ZNF600: variants seen among roughly 807,000 people sequenced by gnomAD.
The protein encoded by ZNF600 is zinc finger protein KR-ZNF1.
ZNF600 carries 4 observed loss-of-function variants against 7.3 expected under a neutral mutation model. The ratio of observed to expected loss-of-function variants is 0.55; its 90% CI spans 0.27 to 1.25. The LOEUF is 1.25. Ranked by LOEUF, ZNF600 falls within the 50% of genes most tolerant of loss-of-function variation. The pLI, the probability that ZNF600 is intolerant of heterozygous loss-of-function variation, is 0.12. For missense variants in ZNF600, 911 were observed against 922.1 expected (o/e 0.99, Z 0.16); for synonymous variants, 290 against 308.9 (o/e 0.94, Z 0.64).
the ZNF600 span, among the ~76,000 whole-genome samples, chr19:52,827,841 G>A: frequency 1.4e-4 from 22 of 152,016 alleles, 1 homozygote; most frequent in South Asian, 2.1e-4. Flanking sequence ...CACCGCGCCC[G>A]GCCTAGAAGA....
chr19:52,807,023 G>A, the ZNF600 span, among the ~76,000 whole-genome samples: 5 of 152,294 alleles, frequency 3.3e-5, no homozygotes, highest in African/African-American at 4.8e-5. Flanking sequence ...TCTCCCACTT[G>A]CAGAGAGTTT....
the ZNF600 span, among the ~76,000 whole-genome samples, chr19:52,820,601 TCTC>T: frequency 2.0e-5 from 3 of 151,802 alleles, no homozygotes; most frequent in Non-Finnish European, 2.9e-5. Context: ...CTCCCTCTGT[TCTC>T]CTTGCCACCA....
chr19:52,828,376 A>G, the ZNF600 span, among the ~76,000 whole-genome samples: 1 of 152,114 alleles, frequency 6.6e-6, no homozygotes, highest in Non-Finnish European at 1.5e-5. Flanking sequence ...TAACAAGTGA[A>G]GTGCCATTTG....
At chr19:52,808,029 A>C in the ZNF600 span, 3 of 1,613,508 alleles carry the variant, frequency 1.9e-6, no homozygotes, top group Non-Finnish European at 2.5e-6. Flanking sequence ...GGTTCCTATA[A>C]TTCTCCAGCA....
At chr19:52,811,487 G>A in the ZNF600 span, among the ~76,000 whole-genome samples, 35 of 148,920 alleles carry the variant, frequency 2.4e-4, no homozygotes, top group Non-Finnish European at 3.7e-4. Context: ...AGGAAGTGAG[G>A]AGCGTCTCTG....
At chr19:52,813,356 G>C in the ZNF600 span, among the ~76,000 whole-genome samples, 5 of 150,860 alleles carry the variant, frequency 3.3e-5, no homozygotes, top group African/African-American at 1.2e-4. Context: ...CCAGGGAGTG[G>C]GGCAGGGGGC....
the ZNF600 span, among the ~76,000 whole-genome samples, chr19:52,829,806 C>A: frequency 6.6e-6 from 1 of 151,978 alleles, no homozygotes; most frequent in East Asian, 1.9e-4. Flanking sequence ...GCCACCATGG[C>A]CAGCCAGTCT....
the ZNF600 span, chr19:52,805,154 CA>C: frequency 6.6e-6 from 1 of 151,968 alleles, no homozygotes; most frequent in Non-Finnish European, 1.5e-5. Context: ...CCTGTAGTCC[CA>C]GCTACTTGGA....
At chr19:52,793,601 A>T in the ZNF600 span, among the ~76,000 whole-genome samples, 1 of 152,190 alleles carries the variant, frequency 6.6e-6, no homozygotes, top group East Asian at 1.9e-4. Flanking sequence ...AAGGACTTCA[A>T]ACATTTTTCT....
chr19:52,799,815 T>A, the ZNF600 span: 5 of 1,612,646 alleles, frequency 3.1e-6, no homozygotes, highest in Non-Finnish European at 4.2e-6. Flanking sequence ...CTGTGCAAGG[T>A]GTGCTTGTTG....
At chr19:52,786,828 G>T (rs185356823), upstream of ZNF600, 7 of 307,592 alleles carry the variant, frequency 2.3e-5, no homozygotes, top group Admixed American at 2.3e-4. Flanking sequence ...GACCTGGGCG[G>T]GGTAGAGGCG....
chr19:52,772,067 T>C (rs1160320887), intron 3 of ZNF600, among the ~76,000 whole-genome samples: 2 of 152,350 alleles, frequency 1.3e-5, no homozygotes, highest in African/African-American at 2.4e-5. Context: ...AGTATTCACT[T>C]GTTTTAAAAA....
the ZNF600 span, among the ~76,000 whole-genome samples, chr19:52,807,145 A>C: frequency 6.6e-6 from 1 of 152,050 alleles, no homozygotes; most frequent in Admixed American, 6.6e-5. Context: ...ATTTTCACTT[A>C]ACTCTCCACA....
chr19:52,794,279 ATCCAT>A, the ZNF600 span, among the ~76,000 whole-genome samples: 4 of 152,172 alleles, frequency 2.6e-5, no homozygotes, highest in South Asian at 8.3e-4. Flanking sequence ...GAGGACAGGA[ATCCAT>A]TTAAAATTCA....
chr19:52,777,323 G>A (rs1284370276), intron 2 of ZNF600, among the ~76,000 whole-genome samples: 2 of 152,118 alleles, frequency 1.3e-5, no homozygotes, highest in African/African-American at 2.4e-5. Context: ...GGGGCAGGGA[G>A]CTGAGATCCC....
At chr19:52,787,403 T>C (rs1188148260), upstream of ZNF600, among the ~76,000 whole-genome samples, 2 of 112,182 alleles carry the variant, frequency 1.8e-5, no homozygotes, top group Non-Finnish European at 3.6e-5. Flanking sequence ...CTCTTTTACT[T>C]TTTTTTTTTT....
the ZNF600 span, among the ~76,000 whole-genome samples, chr19:52,830,345 C>T: frequency 6.6e-6 from 1 of 152,032 alleles, no homozygotes; most frequent in East Asian, 1.9e-4. Flanking sequence ...ATAAGTACAG[C>T]AGGCCCACAG....
the ZNF600 span, among the ~76,000 whole-genome samples, chr19:52,809,315 A>G: frequency 6.6e-6 from 1 of 152,172 alleles, no homozygotes; most frequent in African/African-American, 2.4e-5. Flanking sequence ...TGCAAAGGAC[A>G]CATGTGTTGT....
chr19:52,803,137 T>A, the ZNF600 span, among the ~76,000 whole-genome samples: 1 of 152,244 alleles, frequency 6.6e-6, no homozygotes, highest in African/African-American at 2.4e-5. Flanking sequence ...TGGAGTGCAA[T>A]GGTATGATCT....
Sources: gnomAD v4.1 joint callset for allele counts (sites outside exome capture counted in the v4.1 genomes callset) on GRCh38, gnomAD v4.1.1 for gene constraint, MANE v1.5 for transcripts, NCBI Gene and HGNC (gene_info 2026-07-23, HGNC 2026-07-21) for gene names.